CCNY: variants seen among roughly 807,000 people sequenced by gnomAD.
CCNY encodes cyclin Y.
CCNY carries 19 observed loss-of-function variants against 42.8 expected under a neutral mutation model. The ratio of observed to expected loss-of-function variants is 0.44; its 90% CI spans 0.31 to 0.65. The LOEUF (loss-of-function observed/expected upper bound fraction) is 0.65, where lower values mean the gene tolerates loss of function less well. CCNY is among the 30% of genes least tolerant of loss of function. The probability of loss-of-function intolerance (pLI) is 0.07; values close to 1 mark genes in which losing one functional copy is unlikely to be tolerated. For missense variants in CCNY, 370 were observed against 437.3 expected (o/e 0.85, Z 1.37); for synonymous variants, 165 against 162.7 (o/e 1.01, Z -0.11).
At chr10:35,360,511 G>A (rs1836661136) in intron 1 of CCNY, among the ~76,000 whole-genome samples, 1 of 151,622 alleles carries the variant, frequency 6.6e-6, no homozygotes, top group Non-Finnish European at 1.5e-5. Context: ...TGAGCTCCTG[G>A]GCTCCAGCAG....
intron 1 of CCNY, among the ~76,000 whole-genome samples, chr10:35,411,512 CAAAAAA>C (rs59117826): frequency 2.9e-4 from 18 of 61,394 alleles, no homozygotes; most frequent in African/African-American, 1.1e-3. Flanking sequence ...AAGACTCTGT[CAAAAAA>C]AAAAAAAAAA....
At position 35,318,226 on chromosome 10, in the gene CCNY, C is replaced by CTAAATAAA. The variant is rs550041080; in HGVS notation, c.-9+67624_-9+67631dup. On this transcript the variant is annotated intron_variant, in intron 3 of 11. Coordinates refer to the CCNY transcript ENST00000374706. The stretch of plus-strand genomic sequence containing the variant: ...CAAGGTGACAGAGCAGACCCTATTT[C>CTAAATAAA]TAAATAAATAAATAAATAAATAAAT... Among the ~76,000 whole-genome samples the CTAAATAAA allele has an allele frequency of 5.7e-3, 863 of 151,156 alleles. 4 individuals carry two copies. Among genetic ancestry groups the CTAAATAAA allele is most frequent in the African/African-American group, 0.019 (799 of 41,142 alleles).
At chr10:35,517,229 G>A (rs1031006706) in intron 4 of CCNY, among the ~76,000 whole-genome samples, 6 of 152,080 alleles carry the variant, frequency 3.9e-5, no homozygotes, top group African/African-American at 1.5e-4. Context: ...GGGAGTCTTG[G>A]GATAAACTTC....
At chr10:35,424,478 G>A (rs1027242472) in intron 1 of CCNY, among the ~76,000 whole-genome samples, 1 of 152,268 alleles carries the variant, frequency 6.6e-6, no homozygotes, top group Non-Finnish European at 1.5e-5. Context: ...TGACCGCCTC[G>A]GCCTCCCAAA....
At chr10:35,315,387 G>T (rs1835743212) in intron 3 of CCNY, 1 of 152,156 alleles carries the variant, frequency 6.6e-6, no homozygotes, top group South Asian at 2.1e-4. Flanking sequence ...TCCTGTGTTA[G>T]TTCACTAAGG....
chr10:35,278,972 C>T (rs1835269073), intron 3 of CCNY, among the ~76,000 whole-genome samples: 1 of 152,118 alleles, frequency 6.6e-6, no homozygotes, highest in East Asian at 1.9e-4. Context: ...GCTGGTAATG[C>T]CGCCCATAGA....
At chr10:35,344,489 A>G (rs1836254944) in intron 1 of CCNY, among the ~76,000 whole-genome samples, 1 of 152,242 alleles carries the variant, frequency 6.6e-6, no homozygotes, top group Non-Finnish European at 1.5e-5. Context: ...CAGGAGATCA[A>G]GACCATCCTG....
upstream of CCNY, chr10:35,335,856 GACAC>G (rs113808457): frequency 1.4e-4 from 21 of 146,054 alleles, no homozygotes; most frequent in South Asian, 8.6e-4. Flanking sequence ...CTACTTTGGA[GACAC>G]ACACACACAC....
At chr10:35,424,990 C>T (rs1297622284) in intron 1 of CCNY, among the ~76,000 whole-genome samples, 4 of 152,148 alleles carry the variant, frequency 2.6e-5, no homozygotes, top group African/African-American at 9.7e-5. Flanking sequence ...CTGCTCCCAC[C>T]CCGGTACAAT....
intron 2 of CCNY, among the ~76,000 whole-genome samples, chr10:35,498,186 G>A (rs921259851): frequency 1.3e-5 from 2 of 152,158 alleles, no homozygotes; most frequent in Non-Finnish European, 2.9e-5. Flanking sequence ...CCTGGGTAGA[G>A]ACCCAGCACC....
chr10:35,546,581 C>G (rs1476974323), intron 7 of CCNY, among the ~76,000 whole-genome samples: 1 of 152,014 alleles, frequency 6.6e-6, no homozygotes, highest in Admixed American at 6.6e-5. Flanking sequence ...TGCAGCTGAC[C>G]CTTGACTATA....
chr10:35,253,414 A>AATTTTTTTTTTTTTTTTTTTTT (rs775450185), intron 3 of CCNY, among the ~76,000 whole-genome samples: 2 of 89,036 alleles, frequency 2.2e-5, no homozygotes, highest in Non-Finnish European at 2.2e-5. Context: ...CATGCTCACT[A>AATTTTTTTTTTTTTTTTTTTTT]TTTTTTTTTT....
intron 1 of CCNY, among the ~76,000 whole-genome samples, chr10:35,456,741 T>C (rs989884231): frequency 1.3e-5 from 2 of 152,232 alleles, no homozygotes; most frequent in Non-Finnish European, 2.9e-5. Context: ...AGTTATAGAA[T>C]GAAGTAGGAA....
intron 1 of CCNY, among the ~76,000 whole-genome samples, chr10:35,426,111 G>GCACACACACACA (rs1055933724): frequency 1.2e-5 from 1 of 80,466 alleles, no homozygotes; most frequent in African/African-American, 5.3e-5. Context: ...TCCAGCACGC[G>GCACACACACACA]CACACACACA....
chr10:35,326,090 A>G (rs1835877258), intron 3 of CCNY, among the ~76,000 whole-genome samples: 1 of 152,112 alleles, frequency 6.6e-6, no homozygotes, highest in African/African-American at 2.4e-5. Context: ...ATAAATAAAT[A>G]AACTTTACTG....
upstream of CCNY, chr10:35,332,212 T>A (rs1027495133): frequency 1.1e-4 from 16 of 152,136 alleles, no homozygotes; most frequent in African/African-American, 3.9e-4. Flanking sequence ...AATGCTCGAG[T>A]AACCGTCATG....
chr10:35,502,236 A>C (rs1840125500), intron 3 of CCNY, among the ~76,000 whole-genome samples: 1 of 152,198 alleles, frequency 6.6e-6, no homozygotes. Flanking sequence ...TTCTTCTTAG[A>C]AATATGGCCC....
At chr10:35,531,312 C>G (rs1449723743) in intron 7 of CCNY, among the ~76,000 whole-genome samples, 1 of 152,220 alleles carries the variant, frequency 6.6e-6, no homozygotes, top group African/African-American at 2.4e-5. Flanking sequence ...CCGAAGGACT[C>G]TTTGTGTCTC....
At chr10:35,444,878 T>G (rs2135302517) in intron 1 of CCNY, among the ~76,000 whole-genome samples, 1 of 152,216 alleles carries the variant, frequency 6.6e-6, no homozygotes, top group South Asian at 2.1e-4. Context: ...GGGCGACAGA[T>G]GATGAGGACT....
Sources: allele counts gnomAD v4.1 joint callset (sites outside exome capture counted in the v4.1 genomes callset), GRCh38; gene constraint gnomAD v4.1.1; transcripts MANE v1.5; gene names NCBI Gene and HGNC (gene_info 2026-07-23, HGNC 2026-07-21).